The following DTX2 variants were observed in gnomAD, a reference collection of about 807,000 sequenced individuals.
DTX2 encodes the protein deltex E3 ubiquitin ligase 2.
In DTX2, 29 loss-of-function variants were observed where a neutral mutation model predicts 55.3. That is an observed-to-expected ratio of 0.52 (90% CI 0.39 to 0.71). The LOEUF is 0.71. Among genes scored for constraint, DTX2 ranks in the 30% least tolerant of loss-of-function variants. The pLI is 0.00. For synonymous variants in DTX2, 276 were observed against 340.4 expected, an observed-to-expected ratio of 0.81 and a Z score of 2.08; for missense variants, 537 against 822.5, an observed-to-expected ratio of 0.65 and a Z score of 4.25.
At chr7:76,482,434 G>A in intron 3 of DTX2, 74 bp from the exon 4 acceptor site, 2 of 1,479,658 alleles carry the variant, frequency 1.4e-6, no homozygotes, top group Non-Finnish European at 1.8e-6. Flanking sequence ...TTTGGCGGTT[G>A]AAAAAAGAAT....
At chr7:76,464,679 G>A (rs561187469) in intron 2 of DTX2, among the ~76,000 whole-genome samples, 3 of 152,142 alleles carry the variant, frequency 2.0e-5, no homozygotes, top group Admixed American at 1.3e-4. Context: ...TTACAGGCCT[G>A]AGCCACCGTG....
At chr7:76,504,920 G>A (rs1812172600) in intron 10 of DTX2, among the ~76,000 whole-genome samples, 6 of 152,020 alleles carry the variant, frequency 3.9e-5, no homozygotes, top group Admixed American at 3.9e-4. Flanking sequence ...AGCGCCCAGC[G>A]AAGCCACGGA....
chr7:76,479,530 T>G, intron 2 of DTX2, among the ~76,000 whole-genome samples: 1 of 107,136 alleles, frequency 9.3e-6, no homozygotes. Context: ...GGATGGTGGG[T>G]GCTAATAGGG....
chr7:76,474,505 CG>C (rs1197784007), intron 2 of DTX2: 4 of 152,108 alleles, frequency 2.6e-5, no homozygotes, highest in Admixed American at 6.6e-5. Flanking sequence ...CATCTTCTCT[CG>C]GGACGGCAGA....
intron 4 of DTX2, among the ~76,000 whole-genome samples, chr7:76,491,103 T>G: frequency 6.8e-6 from 1 of 146,976 alleles, no homozygotes; most frequent in Non-Finnish European, 1.5e-5. Flanking sequence ...GTTCAAGTGA[T>G]TCTCCTGCCT....
chr7:76,494,946 G>A (rs1176890630), intron 5 of DTX2, among the ~76,000 whole-genome samples: 5 of 98,788 alleles, frequency 5.1e-5, no homozygotes, highest in African/African-American at 1.2e-4. Context: ...GGAGACGAGC[G>A]TTTGCGCACA....
At position 76,503,568 on chromosome 7, in the gene DTX2, G is replaced by C. The variant is rs1811980876; in HGVS notation, c.1532G>C (p.Ser511Thr). 6.2e-7 allele frequency: 1 copy of C among 1,611,880 alleles called. No homozygotes were observed. The highest frequency in any genetic ancestry group is 8.5e-7 in the Non-Finnish European group (1 of 1,179,336). Reference sequence around the variant, plus strand: ...TGCGGGACCATCCTCATAGTTTACAGCATTCCCCATGGTATCCAGGTGAGG... The same window carrying C: ...TGCGGGACCATCCTCATAGTTTACACCATTCCCCATGGTATCCAGGTGAGG... ...EDCGTILIVY[S>T]IPHGIQGPEH... The change falls in exon 9 of 11, where the codon AGC (serine) becomes ACC (threonine). Residue 511 changes from serine to threonine, a missense_variant. Coordinates refer to ENST00000430490, the MANE Select transcript of DTX2 (RefSeq NM_001102594.3).
chr7:76,469,054 C>T (rs1346994120), intron 2 of DTX2, among the ~76,000 whole-genome samples: 1 of 131,706 alleles, frequency 7.6e-6, no homozygotes, highest in Non-Finnish European at 1.6e-5. Context: ...CGTGAGCTAC[C>T]GCATTCAGCC....
In DTX2 at chr7:76,505,983, A is replaced by G. The variant is rs1171215348; in HGVS notation, c.*382A>G. The G allele has an allele frequency of 2.9e-6, 1 of 340,268 alleles. No homozygotes were observed. The highest frequency in any genetic ancestry group is 4.5e-5 in the Admixed American group (1 of 22,222). 21.1% of individuals were successfully genotyped at this position (340,268 alleles called of 1,614,324 possible). A position where few individuals can be genotyped will look rare whatever the true frequency, so the allele number is the denominator to read the frequency against. ...CAATTTTGTTTGCAATAAATGCTCT[A>G]TAGCCAAAGCCAGCAGGTCCTGAGT... On this transcript the variant is annotated 3_prime_UTR_variant, in exon 11 of 11. Coordinates refer to ENST00000430490, the MANE Select transcript of DTX2 (RefSeq NM_001102594.3). The surrounding 1 kb of genome is among the most constrained non-coding windows in gnomAD (Gnocchi z 4.4).
intron 2 of DTX2, chr7:76,472,025 T>C (rs1301870339): frequency 1.4e-5 from 2 of 148,020 alleles, no homozygotes; most frequent in Non-Finnish European, 3.0e-5. Flanking sequence ...CGTGCCATCT[T>C]CCAGTAAGAC....
Position 76,499,869 on chromosome 7 carries a change from C to T in DTX2, c.1151-572C>T, listed in dbSNP as rs1038850121. 7.7e-4 allele frequency: 210 copies of T among 273,370 alleles called. 11 individuals carry two copies. Among genetic ancestry groups the T allele is most frequent in the Non-Finnish European group, 1.3e-3 (173 of 135,276 alleles). The allele number at this position is 273,370 out of a possible 1,614,324, so 16.9% of individuals were successfully genotyped here. A position where few individuals can be genotyped will look rare whatever the true frequency, so the allele number is the denominator to read the frequency against. Reference sequence around the variant, plus strand: ...CCACGTCTTGGCCCCTCCCCAGAGTCGCTGGACTTAGGAGCTAGTCTGCAT... The same window carrying T: ...CCACGTCTTGGCCCCTCCCCAGAGTTGCTGGACTTAGGAGCTAGTCTGCAT... On this transcript the variant is annotated intron_variant, in intron 6 of 10. Coordinates refer to ENST00000430490, the MANE Select transcript of DTX2 (RefSeq NM_001102594.3).
rs542306631 is a variant in DTX2, at chr7:76,501,737, G to T, written c.1231-561G>T. 1.4e-3 allele frequency among the ~76,000 whole-genome samples: 215 copies of T among 152,188 alleles called. 1 individual carries two copies. The highest frequency in any genetic ancestry group is 4.8e-3 in the African/African-American group (198 of 41,536). ...CTGGCAATTCCTGTCTCCCTTGTAAGACCCCACGCCGAGGGCCTCCCCCAG... is the reference window on the plus strand; with the variant it reads ...CTGGCAATTCCTGTCTCCCTTGTAATACCCCACGCCGAGGGCCTCCCCCAG... On this transcript the variant is annotated intron_variant, in intron 7 of 10. Transcript: ENST00000430490.
rs1405561914 is a variant in DTX2 at position 76,482,668 on chromosome 7, G to A, written c.429G>A (p.Val143=). ...AGGTGGCCAGGGGCAACCAGCTCGT[G>A]GACTTGGCCCCCCTGGGGTACAACT... ...EQQVARGNQL[V]DLAPLGYNYT... The change falls in exon 4 of 11, where the codon GTG becomes GTA. Residue 143 remains valine, a synonymous_variant. Transcript: ENST00000430490. 5.0e-6 allele frequency: 8 copies of A among 1,613,824 alleles called. No homozygotes were observed. The highest frequency in any genetic ancestry group is 2.2e-5 in the East Asian group (1 of 44,878).
Position 76,483,007 on chromosome 7 carries a change from G to C in DTX2, c.768G>C (p.Arg256=). 1.9e-6 allele frequency: 3 copies of C among 1,613,550 alleles called. No individual in the cohort carries two copies. Among genetic ancestry groups the C allele is most frequent in the South Asian group, 1.1e-5 (1 of 91,040 alleles). Residue 256 remains arginine, a synonymous_variant, in exon 4 of 11, where the codon CGG becomes CGC. Transcript: ENST00000430490. ...ACAAACCCTCACTCTCCGGGGCCCG[G>C]TCTGCGCCCAGGCTGAACACCACCA... ...PYNKPSLSGA[R]SAPRLNTTNA...
chr7:76,483,042 G>T lies in DTX2; in HGVS notation c.803G>T (p.Gly268Val). The change falls in exon 4 of 11, where the codon GGC (glycine) becomes GTC (valine). Residue 268 changes from glycine (G) to valine (V), a missense_variant. Physicochemically the swap from Gly to Val is moderately radical, Grantham distance 109. This residue lies in a region of DTX2 where 301 missense variants were observed against 396.6 expected (regional missense o/e 0.76). Coordinates refer to ENST00000430490, the MANE Select transcript of DTX2 (RefSeq NM_001102594.3). The stretch of plus-strand genomic sequence containing the variant: ...AGGCTGAACACCACCAACGCCTGGG[G>T]CGCAGCTCCTCCTTCCCTGGGGAGC... ...APRLNTTNAWGAAPPSLGSQP... is the reference protein window; with the variant it reads ...APRLNTTNAWVAAPPSLGSQP... 12 of 1,610,106 alleles carry T rather than the reference G, an allele frequency of 7.5e-6. No homozygotes were observed. The highest frequency in any genetic ancestry group is 9.3e-6 in the Non-Finnish European group (11 of 1,179,204).
At chr7:76,475,109 C>T (rs1241407242) in intron 2 of DTX2, among the ~76,000 whole-genome samples, 1 of 151,578 alleles carries the variant, frequency 6.6e-6, no homozygotes, top group South Asian at 2.1e-4. Flanking sequence ...GAGTTCGAGA[C>T]CAGCCTGGCC....
chr7:76,483,703 TGAGA>T (rs745654588), intron 4 of DTX2, among the ~76,000 whole-genome samples: 1 of 149,632 alleles, frequency 6.7e-6, no homozygotes, highest in East Asian at 2.0e-4. Context: ...CTCAGCTCCT[TGAGA>T]GAGAGAGAAT....
chr7:76,480,605 C>T lies in DTX2; in HGVS notation c.96C>T (p.His32=). 6.2e-7 allele frequency: 1 copy of T among 1,613,276 alleles called. No homozygotes were observed. ...WEWQDGLGTW[H]PYSATVCSFI... is the part of the protein sequence containing the mutation. ...GGCAGGACGGGCTGGGCACCTGGCACCCCTACAGTGCCACCGTCTGCAGCT... is the reference window on the plus strand; with the variant it reads ...GGCAGGACGGGCTGGGCACCTGGCATCCCTACAGTGCCACCGTCTGCAGCT... The change falls in exon 3 of 11, where the codon CAC becomes CAT. Residue 32 remains histidine (H), a synonymous_variant. Coordinates refer to ENST00000430490, the MANE Select transcript of DTX2 (RefSeq NM_001102594.3).
At chr7:76,493,809 G>T (rs1238060630) in intron 5 of DTX2, among the ~76,000 whole-genome samples, 1 of 135,006 alleles carries the variant, frequency 7.4e-6, no homozygotes, top group African/African-American at 2.6e-5. Context: ...CAGGCGGGGG[G>T]TTGTGAGGGG....
Sources: allele counts gnomAD v4.1 joint callset (sites outside exome capture counted in the v4.1 genomes callset), GRCh38; gene constraint gnomAD v4.1.1; regional missense constraint gnomAD v4.1.1; non-coding constraint Gnocchi (gnomAD v3.1); transcripts MANE v1.5; gene names NCBI Gene and HGNC (gene_info 2026-07-23, HGNC 2026-07-21).